NGEF: variants seen among roughly 807,000 people sequenced by gnomAD.
NGEF encodes the protein ephexin-1.
In NGEF, 31 loss-of-function variants were observed where a neutral mutation model predicts 80.9. That is an observed-to-expected ratio of 0.38 (90% CI 0.29 to 0.52). NGEF has a LOEUF of 0.52. Ranked by LOEUF, NGEF falls within the 20% of genes least tolerant of loss-of-function variation. The probability of loss-of-function intolerance (pLI) is 0.84; values close to 1 mark genes in which losing one functional copy is unlikely to be tolerated. For synonymous variants in NGEF, 371 were observed against 370.2 expected (o/e 1.00, Z -0.03); for missense variants, 709 against 926.2 (o/e 0.77, Z 3.04).
chr2:232,939,086 G>A (rs940474559), intron 3 of NGEF, among the ~76,000 whole-genome samples: 3 of 149,788 alleles, frequency 2.0e-5, no homozygotes, highest in Non-Finnish European at 4.4e-5. Flanking sequence ...GCTGAGGCAG[G>A]AGAATCCCTT....
chr2:232,882,787 C>T (rs901285190), intron 12 of NGEF, among the ~76,000 whole-genome samples: 1 of 152,174 alleles, frequency 6.6e-6, no homozygotes, highest in Non-Finnish European at 1.5e-5. Flanking sequence ...ACTGCAATCT[C>T]AGCTCACTGC....
At position 233,011,551 on chromosome 2, in the gene NGEF, G is replaced by A. The variant is rs145703760; in HGVS notation, c.-75+1517C>T. On this transcript the variant is annotated intron_variant, in intron 1 of 14. Transcript: ENST00000264051. ...TATTTTGTTACTGGTACAAGCTTCC[G>A]GTCTCCCACAGGCCAAGGGAAGTTC... 4.1e-4 allele frequency among the ~76,000 whole-genome samples: 61 copies of A among 150,380 alleles called. 1 individual carries two copies. In the East Asian group the frequency reaches 0.011, roughly 28 times the overall value.
intron 4 of NGEF, among the ~76,000 whole-genome samples, chr2:232,922,631 A>T (rs1281038021): frequency 6.6e-6 from 1 of 152,262 alleles, no homozygotes; most frequent in African/African-American, 2.4e-5. Context: ...AGCTATCACC[A>T]TCCTATGATT....
At chr2:233,000,739 G>A (rs192578356) in intron 1 of NGEF, among the ~76,000 whole-genome samples, 4,750 of 146,410 alleles carry the variant, frequency 0.032, 105 homozygotes, top group Non-Finnish European at 0.05. Context: ...CAGCTCGGGC[G>A]ACAGAGCGAG....
chr2:232,984,291 T>C (rs1694493125), intron 1 of NGEF, among the ~76,000 whole-genome samples: 2 of 151,304 alleles, frequency 1.3e-5, no homozygotes, highest in Non-Finnish European at 2.9e-5. Flanking sequence ...GGATGTCTTG[T>C]TATGTTACCA....
At chr2:232,979,948 T>G (rs961557501) in intron 1 of NGEF, among the ~76,000 whole-genome samples, 8 of 152,098 alleles carry the variant, frequency 5.3e-5, no homozygotes, top group African/African-American at 1.9e-4. Flanking sequence ...TTACTCCACT[T>G]TATAGATGAG....
chr2:232,998,652 C>T (rs906862665), intron 1 of NGEF, among the ~76,000 whole-genome samples: 1 of 152,102 alleles, frequency 6.6e-6, no homozygotes, highest in Admixed American at 6.6e-5. Context: ...GGCAGGGGCT[C>T]AAAGCAGTGG....
chr2:232,887,928 TA>T, intron 9 of NGEF, 104 bp downstream of exon 9: 1 of 866,712 alleles, frequency 1.2e-6, no homozygotes, highest in Non-Finnish European at 1.9e-6. Flanking sequence ...TAAATTTGCA[TA>T]TTCTAAAAAG....
intron 3 of NGEF, among the ~76,000 whole-genome samples, chr2:232,941,435 A>G (rs1222300037): frequency 6.6e-6 from 1 of 152,244 alleles, no homozygotes; most frequent in Non-Finnish European, 1.5e-5. Context: ...TTTAAGCTAT[A>G]AACTATAAAC....
chr2:232,925,431 A>G (rs1329499860), intron 4 of NGEF, among the ~76,000 whole-genome samples: 1 of 151,846 alleles, frequency 6.6e-6, no homozygotes, highest in Non-Finnish European at 1.5e-5. Context: ...ACCAGCAGAC[A>G]CCTGCAGGGG....
chr2:232,938,415 T>C (rs948158969), intron 3 of NGEF, among the ~76,000 whole-genome samples: 1 of 152,152 alleles, frequency 6.6e-6, no homozygotes, highest in South Asian at 2.1e-4. Context: ...GATGCTGCGA[T>C]GCTTGTGTGT....
chr2:232,944,191 A>C (rs1693502528), intron 3 of NGEF, among the ~76,000 whole-genome samples: 2 of 151,994 alleles, frequency 1.3e-5, no homozygotes, highest in African/African-American at 4.8e-5. Flanking sequence ...CTGAGATCGC[A>C]CCACTGCACT....
In NGEF at chr2:232,881,128, G is replaced by T; in HGVS notation, c.1942+18C>A. On this transcript the variant is annotated intron_variant, in intron 14 of 14. Transcript: ENST00000264051. ...CAAGTTCCCCTGGGGGCCCCGAGGG[G>T]AGGTCCCTGGGCCTCACCGTCGTCA... 6.2e-7 allele frequency: 1 copy of T among 1,608,272 alleles called. No individual in the cohort carries two copies.
chr2:232,924,002 T>G (rs765682666), intron 4 of NGEF, among the ~76,000 whole-genome samples: 2 of 151,958 alleles, frequency 1.3e-5, no homozygotes, highest in African/African-American at 4.8e-5. Flanking sequence ...TTTGGGAGGC[T>G]AAGGTGGGTG....
rs916323947 is a variant in NGEF at position 232,912,620 on chromosome 2, C to G, written c.828+7664G>C. On this transcript the variant is annotated intron_variant, in intron 5 of 14. Transcript: ENST00000264051. ...ACTTTAAATGGTTGGTACAATTCACCATTGTAAACTTATGGGCCTACAGAT... is the reference window on the plus strand; with the variant it reads ...ACTTTAAATGGTTGGTACAATTCACGATTGTAAACTTATGGGCCTACAGAT... Among the ~76,000 whole-genome samples the G allele has an allele frequency of 2.0e-4, 31 of 152,064 alleles. 1 individual carries two copies. Among genetic ancestry groups the G allele is most frequent in the Non-Finnish European group, 2.9e-5 (2 of 67,992 alleles).
chr2:232,921,834 G>A (rs1692951792), intron 4 of NGEF, among the ~76,000 whole-genome samples: 1 of 152,168 alleles, frequency 6.6e-6, no homozygotes, highest in African/African-American at 2.4e-5. Context: ...AGCTCCTTGG[G>A]AGAGCCAGGA....
rs1159654856 is a variant in NGEF, at chr2:233,013,088, G to A, written c.-95C>T. 1.1e-5 allele frequency: 5 copies of A among 470,922 alleles called. No homozygotes were observed. Among genetic ancestry groups the A allele is most frequent in the Non-Finnish European group, 2.2e-5 (5 of 226,970 alleles). The allele number at this position is 470,922 out of a possible 1,614,324, so 29.2% of individuals were successfully genotyped here. A position where few individuals can be genotyped will look rare whatever the true frequency, so the allele number is the denominator to read the frequency against. ...CTCACCTGCCAGAGAGGAGCTCATAGGAGTTGGGCTTCCTCAGAGAGTGTT... is the reference window on the plus strand; with the variant it reads ...CTCACCTGCCAGAGAGGAGCTCATAAGAGTTGGGCTTCCTCAGAGAGTGTT... On this transcript the variant is annotated 5_prime_UTR_variant, in exon 1 of 15. Coordinates refer to ENST00000264051, the MANE Select transcript of NGEF (RefSeq NM_019850.3).
rs1691408807 is a variant in NGEF at position 232,879,417 on chromosome 2, A to C, written c.*72T>G. ...GGGGAGGTGCTGGCCTGTGCTTCCC[A>C]GAGCCCCCCCCCCCCCACCTTCTGT... On this transcript the variant is annotated 3_prime_UTR_variant, in exon 15 of 15. Transcript: ENST00000264051. The C allele has an allele frequency of 8.4e-7, 1 of 1,188,378 alleles. No homozygotes were observed. The highest frequency in any genetic ancestry group is 2.5e-5 in the African/African-American group (1 of 40,046). 73.6% of individuals were successfully genotyped at this position (1,188,378 alleles called of 1,614,324 possible). A position where few individuals can be genotyped will look rare whatever the true frequency, so the allele number is the denominator to read the frequency against.
rs143415543 is a variant in NGEF at position 232,936,674 on chromosome 2, G to A, written c.384-9488C>T. 1.7e-3 allele frequency among the ~76,000 whole-genome samples: 256 copies of A among 152,330 alleles called. 1 individual carries two copies. Among genetic ancestry groups the A allele is most frequent in the African/African-American group, 6.0e-3 (250 of 41,570 alleles). ...ACACATTACTGAGGGGAAGGTTAGCGCTATCTGTGACTCCCAAGGGAGAAG... is the reference window on the plus strand; with the variant it reads ...ACACATTACTGAGGGGAAGGTTAGCACTATCTGTGACTCCCAAGGGAGAAG... On this transcript the variant is annotated intron_variant, in intron 3 of 14. Coordinates refer to ENST00000264051, the MANE Select transcript of NGEF (RefSeq NM_019850.3).
Sources: allele counts gnomAD v4.1 joint callset (sites outside exome capture counted in the v4.1 genomes callset), GRCh38; gene constraint gnomAD v4.1.1; transcripts MANE v1.5; gene names NCBI Gene and HGNC (gene_info 2026-07-23, HGNC 2026-07-21).